Variants in POC1A observed in about 807,000 individuals in gnomAD.
The protein encoded by POC1A is POC1 centriolar protein homolog A.
A neutral mutation model predicts 47.8 loss-of-function variants in POC1A; 34 were observed. That is an observed-to-expected ratio of 0.71 (90% CI 0.54 to 0.95). The LOEUF (loss-of-function observed/expected upper bound fraction) is 0.95. Among genes scored for constraint, POC1A ranks in the 40% least tolerant of loss-of-function variants. The pLI, the probability that POC1A is intolerant of heterozygous loss-of-function variation, is 0.00. For synonymous variants in POC1A, 177 were observed against 207.6 expected, an observed-to-expected ratio of 0.85 and a Z score of 1.27; for missense variants, 466 against 528.3, an observed-to-expected ratio of 0.88 and a Z score of 1.16.
intron 1 of POC1A, 91 bp from the exon 2 acceptor site, chr3:52,151,191 A>C: frequency 6.3e-7 from 1 of 1,574,828 alleles, no homozygotes; most frequent in East Asian, 2.3e-5. Context: ...CCGGGGGAGT[A>C]GGGTTAAAAA....
chr3:52,076,843 G>C (rs1051327684), intron 10 of POC1A, among the ~76,000 whole-genome samples: 1 of 152,270 alleles, frequency 6.6e-6, no homozygotes, highest in African/African-American at 2.4e-5. Context: ...TGGCTGCCTG[G>C]CCTGCCAAAG....
At chr3:52,117,681 A>G (rs1703617236) in intron 9 of POC1A, among the ~76,000 whole-genome samples, 1 of 151,878 alleles carries the variant, frequency 6.6e-6, no homozygotes, top group African/African-American at 2.4e-5. Flanking sequence ...AACCCTTAGA[A>G]CTCAGAAAGT....
In POC1A at chr3:52,154,348, G is replaced by A. The variant is rs116293720; in HGVS notation, c.18+7C>T. ...AGGCCTGGGGAGTTGCTCTCGGCTG[G>A]GCTTACCGCGCAGGGCGCAGCCATG... is the stretch of plus-strand genomic sequence containing the variant. On this transcript the variant is annotated splice_region_variant and intron_variant, in intron 1 of 10. Coordinates refer to ENST00000296484, the MANE Select transcript of POC1A (RefSeq NM_015426.5). 8,286 of 1,553,274 alleles carry A rather than the reference G, an allele frequency of 5.3e-3. 26 individuals carry two copies. The highest frequency in any genetic ancestry group is 8.0e-3 in the Middle Eastern group (46 of 5,762).
chr3:52,135,526 AC>A (rs1164838608), intron 7 of POC1A, among the ~76,000 whole-genome samples: 1 of 152,176 alleles, frequency 6.6e-6, no homozygotes, highest in East Asian at 1.9e-4. Flanking sequence ...TGCTGGGATG[AC>A]AGGAGTGAGC....
At chr3:52,120,017 C>T (rs559326542) in intron 9 of POC1A, among the ~76,000 whole-genome samples, 5 of 152,322 alleles carry the variant, frequency 3.3e-5, no homozygotes, top group African/African-American at 4.8e-5. Context: ...TCCCCAGATA[C>T]GGTCTCGGTG....
chr3:52,144,336 T>A (rs1299786186), intron 6 of POC1A, among the ~76,000 whole-genome samples: 1 of 152,178 alleles, frequency 6.6e-6, no homozygotes, highest in Non-Finnish European at 1.5e-5. Flanking sequence ...GGGCTCCAAG[T>A]GGAGGCAAGC....
chr3:52,093,497 C>G (rs1702709735), intron 10 of POC1A, among the ~76,000 whole-genome samples: 1 of 152,224 alleles, frequency 6.6e-6, no homozygotes, highest in Non-Finnish European at 1.5e-5. Flanking sequence ...ATGGCAGCAA[C>G]AGGAGCAGCA....
intron 8 of POC1A, among the ~76,000 whole-genome samples, chr3:52,123,220 T>G (rs1029228564): frequency 6.6e-6 from 1 of 152,224 alleles, no homozygotes; most frequent in Admixed American, 6.5e-5. Context: ...ACACATCCTA[T>G]TCCAGGTGTC....
At chr3:52,107,408 T>C (rs530206317) in intron 9 of POC1A, among the ~76,000 whole-genome samples, 12 of 152,240 alleles carry the variant, frequency 7.9e-5, no homozygotes, top group Admixed American at 5.2e-4. Flanking sequence ...CTGGAGCAGA[T>C]GCACCTCTGG....
intron 7 of POC1A, among the ~76,000 whole-genome samples, chr3:52,128,349 G>A (rs568290091): frequency 4.8e-4 from 73 of 152,340 alleles, no homozygotes; most frequent in African/African-American, 1.6e-3. Context: ...GGACCAGAGC[G>A]CAGGCACTGG....
At chr3:52,147,271 T>C (rs774146192) in intron 4 of POC1A, among the ~76,000 whole-genome samples, 176 bp from the exon 5 acceptor site, 4 of 152,056 alleles carry the variant, frequency 2.6e-5, no homozygotes, top group Non-Finnish European at 4.4e-5. Context: ...AATTTGTCTT[T>C]TCAGGAACAA....
Position 52,149,349 on chromosome 3 carries a change from CTG to C in POC1A, c.314_315del (p.Thr105SerfsTer9). The stretch of plus-strand genomic sequence containing the variant: ...TCACTGCAGAAGTGGACACTCCTCA[CTG>C]TGGCTGTGTGTGCACGAAACACAGT... ...ESTVFRAHTA[T>X]VRSVHFCSDG... is the part of the protein sequence containing the mutation. On this transcript the variant is annotated frameshift_variant, in exon 4 of 11. Transcript: ENST00000296484. LOFTEE classifies it high-confidence loss of function. 6.2e-7 allele frequency: 1 copy of C among 1,614,202 alleles called. No individual in the cohort carries two copies. Among genetic ancestry groups the C allele is most frequent in the Non-Finnish European group, 8.5e-7 (1 of 1,180,036 alleles).
intron 9 of POC1A, among the ~76,000 whole-genome samples, chr3:52,121,651 G>A (rs986737813): frequency 1.1e-4 from 17 of 152,252 alleles, no homozygotes; most frequent in Admixed American, 2.0e-4. Flanking sequence ...GCCAGTATCC[G>A]TGTGGGGGAG....
intron 7 of POC1A, among the ~76,000 whole-genome samples, chr3:52,134,497 TG>T (rs1407312484): frequency 6.6e-6 from 1 of 152,042 alleles, no homozygotes; most frequent in African/African-American, 2.4e-5. Context: ...CCGGGTGTGG[TG>T]GCGGGTGCCT....
chr3:52,139,664 A>G (rs1223638026), intron 6 of POC1A, among the ~76,000 whole-genome samples: 3 of 152,134 alleles, frequency 2.0e-5, no homozygotes, highest in African/African-American at 7.2e-5. Flanking sequence ...TCTGACTCAC[A>G]TCTGGATCTC....
At chr3:52,130,869 C>G (rs902896363) in intron 7 of POC1A, among the ~76,000 whole-genome samples, 1 of 152,154 alleles carries the variant, frequency 6.6e-6, no homozygotes, top group African/African-American at 2.4e-5. Context: ...TAGGGCCCAG[C>G]ATGGCGCAAG....
At chr3:52,096,734 T>A (rs1475736960) in intron 9 of POC1A, 22 bp from the exon 10 acceptor site, 2 of 1,559,608 alleles carry the variant, frequency 1.3e-6, no homozygotes, top group Non-Finnish European at 1.7e-6. Flanking sequence ...AAGAAAAAAG[T>A]TCCTCAGTCT....
intron 8 of POC1A, among the ~76,000 whole-genome samples, chr3:52,122,825 C>G (rs772786804): frequency 6.6e-6 from 1 of 152,278 alleles, no homozygotes; most frequent in Non-Finnish European, 1.5e-5. Flanking sequence ...ACCACCTTCT[C>G]AGAGAGGCCT....
intron 9 of POC1A, among the ~76,000 whole-genome samples, chr3:52,121,043 G>C (rs1422077089): frequency 6.6e-6 from 1 of 152,224 alleles, no homozygotes; most frequent in Non-Finnish European, 1.5e-5. Flanking sequence ...GCATCAGCCT[G>C]GTGGGCCCCC....
Sources: allele counts gnomAD v4.1 joint callset (sites outside exome capture counted in the v4.1 genomes callset), GRCh38; gene constraint gnomAD v4.1.1; transcripts MANE v1.5; gene names NCBI Gene and HGNC (gene_info 2026-07-23, HGNC 2026-07-21).